The following MYO16 variants were observed in gnomAD, a reference collection of about 807,000 sequenced individuals.
MYO16 encodes the protein unconventional myosin-XVI.
Under a neutral mutation model 205.3 loss-of-function variants are expected in MYO16, and 94 were observed. The observed-to-expected ratio is 0.46, with a 90% CI of 0.39 to 0.54. The LOEUF (loss-of-function observed/expected upper bound fraction) is 0.54. Among genes scored for constraint, MYO16 ranks in the 20% least tolerant of loss-of-function variants. MYO16 has a pLI of 0.00. For missense variants in MYO16, 2,315 were observed against 2,387.5 expected, an observed-to-expected ratio of 0.97 and a Z score of 0.63; for synonymous variants, 988 against 954.0, an observed-to-expected ratio of 1.04 and a Z score of -0.66.
At position 108,765,003 on chromosome 13, in the gene MYO16, T is replaced by A. The variant is rs148713965; in HGVS notation, c.508-20632T>A. 3.6e-4 allele frequency among the ~76,000 whole-genome samples: 55 copies of A among 152,332 alleles called. 1 individual carries two copies. The East Asian group carries it at 9.8e-3, about 27-fold the overall frequency. On this transcript the variant is annotated intron_variant, in intron 4 of 34. Transcript: ENST00000457511. ...CAGAAAATTGAAAAATACCTAAACA[T>A]GTAAATAATACAATTCAGAATCACA...
At chr13:108,659,477 G>T in intron 1 of MYO16, 1 of 265,880 alleles carries the variant, frequency 3.8e-6, no homozygotes, top group Admixed American at 4.9e-5. Flanking sequence ...TGGAATTGCA[G>T]GATAACCATA....
intron 3 of MYO16, among the ~76,000 whole-genome samples, chr13:108,725,037 T>C (rs1239864996): frequency 6.6e-6 from 1 of 152,208 alleles, no homozygotes; most frequent in Non-Finnish European, 1.5e-5. Context: ...TAATTTATGT[T>C]GCTGCTTTGG....
rs1056143131 is a variant in MYO16, at chr13:108,985,049, A to C, written c.2370-7327A>C. 2.6e-5 allele frequency among the ~76,000 whole-genome samples: 4 copies of C among 152,366 alleles called. No homozygotes were observed. The East Asian group carries it at 7.7e-4, about 29-fold the overall frequency. On this transcript the variant is annotated intron_variant, in intron 20 of 34. Coordinates refer to ENST00000457511, the MANE Select transcript of MYO16 (RefSeq NM_001198950.3). ...TTCCTGCATCTTCATATAAGTTTTC[A>C]TTTTGACTTCACCTTTCTACCAAAA...
chr13:108,818,383 CA>C (rs5806756), intron 7 of MYO16, among the ~76,000 whole-genome samples: 126,775 of 142,786 alleles, frequency 0.89, 58,003 homozygotes, highest in Non-Finnish European at 1. Flanking sequence ...AACAACGTCT[CA>C]AAAAAAAAAT....
In MYO16 at chr13:109,009,016, T is replaced by G. The variant is rs1199079796; in HGVS notation, c.2562T>G (p.Gly854=). 1 of 1,601,896 alleles carries G rather than the reference T, an allele frequency of 6.2e-7. No homozygotes were observed. The highest frequency in any genetic ancestry group is 1.8e-5 in the Admixed American group (1 of 56,586). Residue 854 remains glycine, a synonymous_variant, in exon 22 of 35, where the codon GGT becomes GGG. Transcript: ENST00000457511. ...CCATGGAAACAGCATATTCTCCTGG[T>G]AACCAGAATGGAGTTTTGGACTTTT... The part of the protein sequence containing the change: ...GVTMETAYSP[G]NQNGVLDFFF...
At position 108,960,747 on chromosome 13, in the gene MYO16, T is replaced by C. The variant is rs192062959; in HGVS notation, c.2038-792T>C. On this transcript the variant is annotated intron_variant, in intron 17 of 34. Transcript: ENST00000457511. ...TGTTGATATCATCATGCTAAATATT[T>C]GACATTCTAGAAAAGTACAGTTTAA... is the stretch of plus-strand genomic sequence containing the variant. 2.6e-5 allele frequency among the ~76,000 whole-genome samples: 4 copies of C among 152,344 alleles called. No homozygotes were observed. In the East Asian group the frequency reaches 7.7e-4, roughly 29 times the overall value.
chr13:109,017,761 T>C (rs1240575259), intron 22 of MYO16, among the ~76,000 whole-genome samples: 3 of 152,226 alleles, frequency 2.0e-5, no homozygotes, highest in Non-Finnish European at 4.4e-5. Flanking sequence ...GAATCAGCTG[T>C]TGAAGCTTGT....
At chr13:109,078,949 T>C (rs1421294653) in intron 27 of MYO16, among the ~76,000 whole-genome samples, 3 of 152,198 alleles carry the variant, frequency 2.0e-5, no homozygotes, top group Admixed American at 2.0e-4. Context: ...TCTATTCATA[T>C]GCACGTACTG....
At chr13:108,786,884 C>T (rs9634468) in intron 5 of MYO16, among the ~76,000 whole-genome samples, 17,870 of 152,224 alleles carry the variant, frequency 0.12, 1,221 homozygotes, top group East Asian at 0.24. Context: ...CCTGTGGGAA[C>T]GCTCACTCAC....
At chr13:108,608,913 G>A (rs1385164136) in intron 1 of MYO16, among the ~76,000 whole-genome samples, 2 of 151,974 alleles carry the variant, frequency 1.3e-5, no homozygotes, top group Admixed American at 1.3e-4. Flanking sequence ...CAAAGTGCAG[G>A]GATTATAGGT....
intron 1 of MYO16, among the ~76,000 whole-genome samples, chr13:108,622,417 A>G (rs1384924182): frequency 4.6e-5 from 7 of 152,104 alleles, no homozygotes; most frequent in Admixed American, 3.9e-4. Flanking sequence ...CAGGATTCAT[A>G]TCCAAGGAAG....
At chr13:108,726,404 C>T (rs1269900670) in intron 3 of MYO16, among the ~76,000 whole-genome samples, 4 of 151,732 alleles carry the variant, frequency 2.6e-5, no homozygotes, top group Non-Finnish European at 5.9e-5. Context: ...ACTAAAAATA[C>T]AAAAATTAGC....
chr13:108,796,751 A>T (rs867329246), intron 6 of MYO16, among the ~76,000 whole-genome samples: 1 of 101,150 alleles, frequency 9.9e-6, no homozygotes, highest in Non-Finnish European at 2.0e-5. Context: ...GGAACATCAC[A>T]CACTGGGGCC....
chr13:108,500,655 T>C, the MYO16 span, among the ~76,000 whole-genome samples: 1 of 152,168 alleles, frequency 6.6e-6, no homozygotes, highest in Non-Finnish European at 1.5e-5. Context: ...AGATGAGTCT[T>C]CTTTATTCTG....
At chr13:108,628,692 T>C (rs577718239), upstream of MYO16, among the ~76,000 whole-genome samples, 1 of 152,298 alleles carries the variant, frequency 6.6e-6, no homozygotes, top group Non-Finnish European at 1.5e-5. Flanking sequence ...AATTTCATAA[T>C]CTTCTAGTTT....
At chr13:108,526,329 C>T in the MYO16 span, among the ~76,000 whole-genome samples, 3 of 152,108 alleles carry the variant, frequency 2.0e-5, no homozygotes, top group Non-Finnish European at 4.4e-5. Context: ...AAAAAGGCTA[C>T]CTTAGAAGTC....
intron 4 of MYO16, among the ~76,000 whole-genome samples, chr13:108,770,099 T>C (rs1184400060): frequency 6.6e-6 from 1 of 152,088 alleles, no homozygotes; most frequent in East Asian, 1.9e-4. Flanking sequence ...GAAAGAAAAT[T>C]TTGATGATAA....
chr13:108,510,443 TATTTAACATTGATAGCTG>T, the MYO16 span, among the ~76,000 whole-genome samples: 31 of 117,176 alleles, frequency 2.6e-4, no homozygotes, highest in East Asian at 1.7e-3. Flanking sequence ...TTTTTTTTTA[TATTTAACATTGATAGCTG>T]TTTTTTTTTT....
intron 2 of MYO16, among the ~76,000 whole-genome samples, chr13:108,692,301 G>C (rs1423260361): frequency 1.3e-5 from 2 of 151,806 alleles, no homozygotes; most frequent in African/African-American, 4.8e-5. Flanking sequence ...TTTTGAAACT[G>C]ACTGAGGTAT....
Sources: gnomAD v4.1 joint callset for allele counts (sites outside exome capture counted in the v4.1 genomes callset) on GRCh38, gnomAD v4.1.1 for gene constraint, MANE v1.5 for transcripts, NCBI Gene and HGNC (gene_info 2026-07-23, HGNC 2026-07-21) for gene names.